SLC29A3: variants seen among roughly 807,000 people sequenced by gnomAD.
SLC29A3 encodes the protein solute carrier family 29 member 3, also known as equilibrative nucleoside transporter 3.
SLC29A3 carries 18 observed loss-of-function variants against 25.4 expected under a neutral mutation model. The observed-to-expected ratio is 0.71, with a 90% CI of 0.49 to 1.05. SLC29A3 has a LOEUF of 1.05. SLC29A3 is among the 50% of genes least tolerant of loss of function. The probability of loss-of-function intolerance (pLI) is 0.00; values close to 1 mark genes in which losing one functional copy is unlikely to be tolerated. For synonymous variants in SLC29A3, 258 were observed against 267.1 expected, an observed-to-expected ratio of 0.97 and a Z score of 0.33; for missense variants, 586 against 609.0, an observed-to-expected ratio of 0.96 and a Z score of 0.40.
At chr10:71,333,164 G>A (rs1030498532) in intron 2 of SLC29A3, among the ~76,000 whole-genome samples, 2 of 152,250 alleles carry the variant, frequency 1.3e-5, no homozygotes, top group African/African-American at 2.4e-5. Flanking sequence ...GGAGCCCAGC[G>A]CTTTTGACAC....
downstream of SLC29A3, among the ~76,000 whole-genome samples, chr10:71,367,185 C>T (rs1009372443): frequency 1.5e-5 from 2 of 130,378 alleles, no homozygotes; most frequent in African/African-American, 2.7e-5. Context: ...CAAGGGGAGG[C>T]GGGGGGCCAG....
At chr10:71,334,682 G>A (rs1054934763) in intron 2 of SLC29A3, among the ~76,000 whole-genome samples, 7 of 152,084 alleles carry the variant, frequency 4.6e-5, no homozygotes, top group Non-Finnish European at 1.0e-4. Context: ...AACCGCCATC[G>A]CTGGATTGTG....
At chr10:71,367,802 C>G (rs1005508668), downstream of SLC29A3, among the ~76,000 whole-genome samples, 9 of 152,336 alleles carry the variant, frequency 5.9e-5, no homozygotes, top group African/African-American at 1.9e-4. Context: ...GCTCCAGGGC[C>G]ACAGCATAGG....
chr10:71,337,711 C>A (rs1846289440), intron 2 of SLC29A3, among the ~76,000 whole-genome samples: 1 of 152,184 alleles, frequency 6.6e-6, no homozygotes. Context: ...CCAGGGTCTG[C>A]CAGAGATAAA....
At chr10:71,334,685 G>A (rs1020727001) in intron 2 of SLC29A3, among the ~76,000 whole-genome samples, 2 of 152,142 alleles carry the variant, frequency 1.3e-5, no homozygotes, top group African/African-American at 4.8e-5. Context: ...CGCCATCGCT[G>A]GATTGTGCAC....
chr10:71,352,757 C>T (rs1445290563), intron 4 of SLC29A3: 1 of 152,326 alleles, frequency 6.6e-6, no homozygotes, highest in African/African-American at 2.4e-5. Context: ...TTCCGGAGGC[C>T]TTGGCACTTT....
chr10:71,322,014 T>G (rs1215368033), intron 1 of SLC29A3, among the ~76,000 whole-genome samples: 1 of 152,222 alleles, frequency 6.6e-6, no homozygotes, highest in Non-Finnish European at 1.5e-5. Flanking sequence ...TAAACAATTA[T>G]TACTTAATTT....
intron 2 of SLC29A3, among the ~76,000 whole-genome samples, chr10:71,325,681 G>C (rs370789374): frequency 3.8e-4 from 58 of 152,070 alleles, no homozygotes; most frequent in African/African-American, 1.4e-3. Flanking sequence ...CCACAGGAAC[G>C]CCGCAGAGTA....
chr10:71,319,561 C>T (rs1366471498), intron 1 of SLC29A3: 3 of 398,690 alleles, frequency 7.5e-6, no homozygotes, highest in East Asian at 3.8e-5. Flanking sequence ...CTGGACCTCA[C>T]CGCCTGTATG....
intron 2 of SLC29A3, among the ~76,000 whole-genome samples, chr10:71,343,773 C>A (rs1391438417): frequency 6.6e-6 from 1 of 152,154 alleles, no homozygotes; most frequent in East Asian, 1.9e-4. Context: ...CATAGCAAGA[C>A]CTCGTCTCTA....
intron 4 of SLC29A3, among the ~76,000 whole-genome samples, chr10:71,354,033 C>T (rs780675): frequency 0.64 from 97,540 of 152,006 alleles, 32,958 homozygotes; most frequent in Non-Finnish European, 0.76. Context: ...AATGTCTAGG[C>T]GGGGATTACA....
Position 71,351,823 on chromosome 10 carries a change from A to T in SLC29A3, c.610+35A>T, listed in dbSNP as rs147292817. 781 of 1,570,534 alleles carry T rather than the reference A, an allele frequency of 5.0e-4. 5 individuals carry two copies. In the African/African-American group the frequency reaches 9.6e-3, roughly 19 times the overall value. ...AGGGTCCGGGCAGCTGACCAGGTTC[A>T]TCCACCCAGGAGTCATGGGAGGGAG... On this transcript the variant is annotated intron_variant, in intron 4 of 5. Transcript: ENST00000373189.
intron 5 of SLC29A3, among the ~76,000 whole-genome samples, chr10:71,360,651 A>T (rs925261398): frequency 1.3e-5 from 2 of 152,244 alleles, no homozygotes; most frequent in African/African-American, 4.8e-5. Flanking sequence ...TGTTAAAGGT[A>T]TAAACCTTTT....
intron 5 of SLC29A3, 110 bp downstream of exon 5, chr10:71,356,353 C>A: frequency 7.3e-7 from 1 of 1,370,968 alleles, no homozygotes; most frequent in Non-Finnish European, 1.0e-6. Flanking sequence ...TGCTATGGCT[C>A]AAAGCAGTTG....
At chr10:71,326,167 G>A (rs1449021684) in intron 2 of SLC29A3, among the ~76,000 whole-genome samples, 10 of 151,938 alleles carry the variant, frequency 6.6e-5, no homozygotes, top group Non-Finnish European at 1.5e-4. Context: ...AGATCCGCCC[G>A]CCTCAGCCTC....
chr10:71,372,608 G>C (rs1847219773), intron 3 of SLC29A3, among the ~76,000 whole-genome samples: 1 of 152,154 alleles, frequency 6.6e-6, no homozygotes, highest in African/African-American at 2.4e-5. Context: ...GAGTGATGAG[G>C]GGTTGTCATC....
exon 5 of SLC29A3, chr10:71,381,256 G>C (rs529729294): frequency 6.6e-6 from 1 of 152,304 alleles, no homozygotes; most frequent in Admixed American, 6.5e-5. Flanking sequence ...GCTCTGCTCT[G>C]CTGGGGGATG....
chr10:71,343,519 A>G (rs1846470219), intron 2 of SLC29A3, among the ~76,000 whole-genome samples: 1 of 152,150 alleles, frequency 6.6e-6, no homozygotes, highest in Non-Finnish European at 1.5e-5. Flanking sequence ...TACTTCCCCA[A>G]ATGGCTTTGA....
intron 2 of SLC29A3, among the ~76,000 whole-genome samples, chr10:71,332,210 G>A (rs1485739835): frequency 2.1e-5 from 3 of 143,636 alleles, no homozygotes; most frequent in Non-Finnish European, 3.0e-5. Flanking sequence ...GTGCAGTAGT[G>A]CGATCTTGGC....
Sources: allele counts gnomAD v4.1 joint callset (sites outside exome capture counted in the v4.1 genomes callset), GRCh38; gene constraint gnomAD v4.1.1; transcripts MANE v1.5; gene names NCBI Gene and HGNC (gene_info 2026-07-23, HGNC 2026-07-21).